The following ITGA9 variants were observed in gnomAD, a reference collection of about 807,000 sequenced individuals.
ITGA9 encodes integrin subunit alpha 9.
A neutral mutation model predicts 127.8 loss-of-function variants in ITGA9; 56 were observed. That is an observed-to-expected ratio of 0.44 (90% CI 0.35 to 0.55). The LOEUF is 0.55. Among genes scored for constraint, ITGA9 ranks in the 20% least tolerant of loss-of-function variants. The probability of loss-of-function intolerance (pLI) is 0.00; values close to 1 mark genes in which losing one functional copy is unlikely to be tolerated. For missense variants in ITGA9, 1,196 were observed against 1,347.1 expected (o/e 0.89, Z 1.76); for synonymous variants, 508 against 514.5 (o/e 0.99, Z 0.17).
chr3:37,736,174 C>T (rs1255075589), intron 19 of ITGA9, among the ~76,000 whole-genome samples: 1 of 152,152 alleles, frequency 6.6e-6, no homozygotes, highest in Non-Finnish European at 1.5e-5. Context: ...TCCAAAGACC[C>T]CATCTCCACA....
intron 11 of ITGA9, among the ~76,000 whole-genome samples, chr3:37,521,057 T>G (rs1398462994): frequency 6.6e-6 from 1 of 152,166 alleles, no homozygotes; most frequent in Non-Finnish European, 1.5e-5. Flanking sequence ...TGGACCAGCC[T>G]GCCTTTGTCA....
Position 37,493,832 on chromosome 3 carries a change from C to G in ITGA9, c.545-669C>G, listed in dbSNP as rs112306608. Among the ~76,000 whole-genome samples, 94 of 152,320 alleles carry G rather than the reference C, an allele frequency of 6.2e-4. 1 individual carries two copies. Among genetic ancestry groups the G allele is most frequent in the Admixed American group, 2.1e-3 (32 of 15,306 alleles). ...TTGTCAAAAGTTTCCTACCCCTCTT[C>G]CTTGCCAGCTTAAAATTATAACTGC... On this transcript the variant is annotated intron_variant, in intron 4 of 27. Coordinates refer to ENST00000264741, the MANE Select transcript of ITGA9 (RefSeq NM_002207.3).
At chr3:37,528,675 A>G (rs1699118784) in intron 13 of ITGA9, among the ~76,000 whole-genome samples, 1 of 152,172 alleles carries the variant, frequency 6.6e-6, no homozygotes, top group Admixed American at 6.5e-5. Context: ...ATAATAATGC[A>G]ACCAATGTTT....
intron 1 of ITGA9, among the ~76,000 whole-genome samples, chr3:37,458,442 A>T (rs527716215): frequency 2.0e-5 from 3 of 152,368 alleles, no homozygotes; most frequent in African/African-American, 7.2e-5. Flanking sequence ...TTAAAGTCTC[A>T]GTCAACTCAA....
chr3:37,758,751 T>TAA (rs145795419), intron 23 of ITGA9, among the ~76,000 whole-genome samples: 1 of 148,006 alleles, frequency 6.8e-6, no homozygotes, highest in African/African-American at 2.5e-5. Flanking sequence ...CCTTTATTCT[T>TAA]AAAAAAAAAA....
intron 4 of ITGA9, among the ~76,000 whole-genome samples, chr3:37,485,122 G>A (rs143399932): frequency 9.5e-4 from 144 of 152,274 alleles, no homozygotes; most frequent in Admixed American, 4.1e-3. Flanking sequence ...TGGGAGGGCC[G>A]TGTGGAGAGA....
At chr3:37,566,018 G>C (rs1027043374) in intron 15 of ITGA9, among the ~76,000 whole-genome samples, 5 of 152,214 alleles carry the variant, frequency 3.3e-5, no homozygotes, top group Non-Finnish European at 4.4e-5. Flanking sequence ...CACATGCCTT[G>C]AGGGCAGTGA....
rs201947364 is a variant in ITGA9 at position 37,818,907 on chromosome 3, G to A, written c.3026G>A (p.Arg1009Gln). Residue 1009 changes from arginine to glutamine, a missense_variant, in exon 28 of 28, where the codon CGA becomes CAA. Coordinates refer to ENST00000264741, the MANE Select transcript of ITGA9 (RefSeq NM_002207.3). ...GCCTTTCAGATGGGCTTCTTTCGCC[G>A]AAGGTACAAAGAAATTATCGAAGCT... is the stretch of plus-strand genomic sequence containing the variant. ...VLLWKMGFFR[R>Q]RYKEIIEAEK... 98 of 1,613,636 alleles carry A rather than the reference G, an allele frequency of 6.1e-5. No individual in the cohort carries two copies. Among genetic ancestry groups the A allele is most frequent in the Non-Finnish European group, 5.0e-5 (59 of 1,179,696 alleles).
intron 18 of ITGA9, among the ~76,000 whole-genome samples, chr3:37,684,909 A>G (rs1263862201): frequency 6.6e-6 from 1 of 152,180 alleles, no homozygotes; most frequent in African/African-American, 2.4e-5. Context: ...TCCCCTACCC[A>G]TAATCATCCC....
intron 23 of ITGA9, among the ~76,000 whole-genome samples, chr3:37,771,958 C>T (rs1259859941): frequency 2.0e-5 from 3 of 152,150 alleles, no homozygotes; most frequent in African/African-American, 7.2e-5. Flanking sequence ...CCATCCTCAG[C>T]TTCCACCTAA....
intron 1 of ITGA9, among the ~76,000 whole-genome samples, chr3:37,468,141 G>A (rs899287021): frequency 6.6e-6 from 1 of 151,974 alleles, no homozygotes; most frequent in Non-Finnish European, 1.5e-5. Flanking sequence ...TTCTGCTTGG[G>A]AATTCTGCAG....
At chr3:37,571,231 G>A (rs180743646) in intron 15 of ITGA9, among the ~76,000 whole-genome samples, 3 of 152,288 alleles carry the variant, frequency 2.0e-5, no homozygotes, top group Admixed American at 2.0e-4. Flanking sequence ...CACACTAGTT[G>A]TCCAAGAGAT....
intron 15 of ITGA9, among the ~76,000 whole-genome samples, chr3:37,546,495 C>T (rs913278288): frequency 6.6e-6 from 1 of 152,206 alleles, no homozygotes. Context: ...ATGTGCCTTG[C>T]CCCATCCTGC....
At chr3:37,716,643 C>T in intron 18 of ITGA9, among the ~76,000 whole-genome samples, 1 of 148,922 alleles carries the variant, frequency 6.7e-6, no homozygotes, top group African/African-American at 2.5e-5. Context: ...AATCTCATGG[C>T]CCTGCAGCTC....
In ITGA9 at chr3:37,732,719, T is replaced by C; in HGVS notation, c.2075T>C (p.Met692Thr). The C allele has an allele frequency of 6.2e-7, 1 of 1,608,184 alleles. No homozygotes were observed. The change falls in exon 19 of 28, where the codon ATG becomes ACG. Residue 692 changes from methionine (M) to threonine (T), a missense_variant. By Grantham distance (81) the Met-to-Thr change is moderately conservative (BLOSUM62 -1). Transcript: ENST00000264741. ...FFINMWQKEE[M>T]GISCELLESD... ...TGGTGCTTTTTCTTTCAGGAGGAGATGGGCATCTCCTGTGAGCTGCTGGAA... is the reference window on the plus strand; with the variant it reads ...TGGTGCTTTTTCTTTCAGGAGGAGACGGGCATCTCCTGTGAGCTGCTGGAA...
chr3:37,512,003 CTT>C lies in ITGA9; in HGVS notation c.898-1757_898-1756del, dbSNP rs371978941. Among the ~76,000 whole-genome samples the C allele has an allele frequency of 1.7e-4, 6 of 36,214 alleles. 1 individual carries two copies. The highest frequency in any genetic ancestry group is 6.8e-4 in the Admixed American group (2 of 2,924). 23.8% of individuals were successfully genotyped at this position (36,214 alleles called of 152,430 possible). Reference sequence around the variant, plus strand: ...CTTTTCTTTTCTTTTCTTTTCTTTTCTTTTCTTTTCTTTTCTTTTCTTTTCTT... The same window carrying C: ...CTTTTCTTTTCTTTTCTTTTCTTTTCTTCTTTTCTTTTCTTTTCTTTTCTT... On this transcript the variant is annotated intron_variant, in intron 8 of 27. Coordinates refer to ENST00000264741, the MANE Select transcript of ITGA9 (RefSeq NM_002207.3).
intron 16 of ITGA9, among the ~76,000 whole-genome samples, chr3:37,635,467 T>A (rs1700268308): frequency 2.0e-5 from 3 of 152,192 alleles, no homozygotes. Context: ...GGCTTAAAAT[T>A]GCAGAGGTCA....
rs540868921 is a variant in ITGA9 at position 37,732,573 on chromosome 3, C to T, written c.2068-139C>T. 5.6e-5 allele frequency: 40 copies of T among 713,694 alleles called. 1 individual carries two copies. The highest frequency in any genetic ancestry group is 5.5e-4 in the South Asian group (37 of 66,718). The allele number at this position is 713,694 out of a possible 1,614,324, so 44.2% of individuals were successfully genotyped here. On this transcript the variant is annotated intron_variant, in intron 18 of 27. Transcript: ENST00000264741. The stretch of plus-strand genomic sequence containing the variant: ...TGGGCAGCTGGAAGGGGGCTGGAGA[C>T]GGCCTGGTCAGGGCATCTCGTCCCA...
chr3:37,692,507 G>A (rs1198024701), intron 18 of ITGA9, among the ~76,000 whole-genome samples: 2 of 151,534 alleles, frequency 1.3e-5, no homozygotes, highest in Non-Finnish European at 2.9e-5. Context: ...TTAATGAGTT[G>A]CTTGTACTTA....
Sources: allele counts gnomAD v4.1 joint callset (sites outside exome capture counted in the v4.1 genomes callset), GRCh38; gene constraint gnomAD v4.1.1; transcripts MANE v1.5; gene names NCBI Gene and HGNC (gene_info 2026-07-23, HGNC 2026-07-21).